ACOXL: variants seen among roughly 807,000 people sequenced by gnomAD.
The protein encoded by ACOXL is acyl-coenzyme A oxidase-like protein.
ACOXL carries 70 observed loss-of-function variants against 71.9 expected under a neutral mutation model. The observed-to-expected ratio is 0.97, with a 90% CI of 0.80 to 1.19. The LOEUF (loss-of-function observed/expected upper bound fraction) is 1.19, where lower values mean the gene tolerates loss of function less well. Ranked by LOEUF, ACOXL falls within the 50% of genes most tolerant of loss-of-function variation. The probability of loss-of-function intolerance (pLI) is 0.00; values close to 1 mark genes in which losing one functional copy is unlikely to be tolerated. For missense variants in ACOXL, 703 were observed against 736.3 expected (o/e 0.95, Z 0.52); for synonymous variants, 253 against 281.6 (o/e 0.90, Z 1.02).
intron 10 of ACOXL, among the ~76,000 whole-genome samples, chr2:110,878,948 C>T (rs1445824568): frequency 6.6e-6 from 1 of 151,352 alleles, no homozygotes; most frequent in Non-Finnish European, 1.5e-5. Flanking sequence ...ATTCCAGCTA[C>T]TCGGGAGGCT....
rs770864286 is a variant in ACOXL at position 110,933,655 on chromosome 2, G to A, written c.1059+13G>A. 7 of 1,604,312 alleles carry A rather than the reference G, an allele frequency of 4.4e-6. No homozygotes were observed. The highest frequency in any genetic ancestry group is 2.2e-5 in the East Asian group (1 of 44,646). On this transcript the variant is annotated intron_variant, in intron 12 of 17. Coordinates refer to ENST00000439055, the MANE Select transcript of ACOXL (RefSeq NM_001142807.4). ...CACTGGAGGCATGGTGAGCCCCAAG[G>A]CCTGCAGCCCCCGTGGGTCCCCACG...
intron 1 of ACOXL, among the ~76,000 whole-genome samples, chr2:110,749,714 G>C (rs1409678909): frequency 1.3e-5 from 2 of 152,142 alleles, no homozygotes; most frequent in Non-Finnish European, 2.9e-5. Context: ...GGTGACAGAG[G>C]GAGACTGCAT....
chr2:110,892,302 GA>G (rs961571463), intron 10 of ACOXL, among the ~76,000 whole-genome samples: 1 of 152,148 alleles, frequency 6.6e-6, no homozygotes, highest in Admixed American at 6.5e-5. Context: ...AGAACGCCCT[GA>G]AATGAAGTCC....
chr2:111,069,671 T>C (rs1249903135), intron 16 of ACOXL, among the ~76,000 whole-genome samples: 2 of 152,028 alleles, frequency 1.3e-5, no homozygotes, highest in Non-Finnish European at 2.9e-5. Flanking sequence ...AGATGGGGAA[T>C]TGGGGGTGAC....
chr2:111,029,858 G>GT lies in ACOXL; in HGVS notation c.1282-1761dup, dbSNP rs552036775. On this transcript the variant is annotated intron_variant, in intron 14 of 17. Coordinates refer to ENST00000439055, the MANE Select transcript of ACOXL (RefSeq NM_001142807.4). Reference sequence around the variant, plus strand: ...TTCCTCTTCACTTGAACTTGTTGTGGTTTTTTTTCCTTTTTCCTCATACTC... The same window carrying GT: ...TTCCTCTTCACTTGAACTTGTTGTGGTTTTTTTTTCCTTTTTCCTCATACTC... Among the ~76,000 whole-genome samples, 1,445 of 152,018 alleles carry GT rather than the reference G, an allele frequency of 9.5e-3. 14 individuals carry two copies. The highest frequency in any genetic ancestry group is 0.015 in the Non-Finnish European group (990 of 67,964).
At chr2:110,951,886 T>C (rs1392738541) in intron 12 of ACOXL, among the ~76,000 whole-genome samples, 1 of 152,224 alleles carries the variant, frequency 6.6e-6, no homozygotes, top group South Asian at 2.1e-4. Context: ...CATTTGGTAA[T>C]ATTTGTTTAG....
intron 16 of ACOXL, among the ~76,000 whole-genome samples, chr2:111,061,317 A>G (rs1194019966): frequency 6.6e-6 from 1 of 152,188 alleles, no homozygotes; most frequent in African/African-American, 2.4e-5. Context: ...AAATGACAGC[A>G]TATTTCTCAT....
chr2:110,885,684 C>A (rs1362592845), intron 10 of ACOXL, among the ~76,000 whole-genome samples: 1 of 152,082 alleles, frequency 6.6e-6, no homozygotes. Flanking sequence ...GTTCAAACTT[C>A]CTTAGTAAGT....
intron 6 of ACOXL, 60 bp from the exon 7 acceptor site, chr2:110,798,954 C>T: frequency 1.3e-6 from 2 of 1,530,130 alleles, no homozygotes; most frequent in South Asian, 2.2e-5. Context: ...TATACTATTC[C>T]AGGACATGAG....
rs1008189909 is a variant in ACOXL at position 111,117,790 on chromosome 2, C to T, written c.1717C>T (p.Arg573Trp). The T allele has an allele frequency of 3.9e-6, 6 of 1,550,342 alleles. No individual in the cohort carries two copies. Among genetic ancestry groups the T allele is most frequent in the African/African-American group, 2.7e-5 (2 of 73,168 alleles). The change falls in exon 18 of 18, where the codon CGG (arginine) becomes TGG (tryptophan). Residue 573 changes from arginine (R) to tryptophan (W), a missense_variant. By Grantham distance (101) the Arg-to-Trp change is moderately radical. Coordinates refer to ENST00000439055, the MANE Select transcript of ACOXL (RefSeq NM_001142807.4). ...PRPREEARSRRPKLGAKL is the reference protein window; with the variant it reads ...PRPREEARSRWPKLGAKL Reference sequence around the variant, plus strand: ...GCCACGGGAAGAGGCGCGCTCCCGGCGGCCCAAGCTGGGAGCCAAGCTCTA... The same window carrying T: ...GCCACGGGAAGAGGCGCGCTCCCGGTGGCCCAAGCTGGGAGCCAAGCTCTA...
At chr2:110,993,083 T>C (rs2063245018) in intron 13 of ACOXL, among the ~76,000 whole-genome samples, 1 of 152,224 alleles carries the variant, frequency 6.6e-6, no homozygotes, top group Admixed American at 6.5e-5. Flanking sequence ...ACTGTAGACA[T>C]CAGCACATTT....
At chr2:110,923,543 A>G (rs778299207) in intron 11 of ACOXL, among the ~76,000 whole-genome samples, 2 of 152,166 alleles carry the variant, frequency 1.3e-5, no homozygotes, top group Non-Finnish European at 1.5e-5. Flanking sequence ...GGAAATGGAC[A>G]GTTTCCAGAC....
intron 11 of ACOXL, among the ~76,000 whole-genome samples, chr2:110,919,992 C>T (rs1378116836): frequency 6.6e-6 from 1 of 152,226 alleles, no homozygotes; most frequent in East Asian, 1.9e-4. Context: ...TAGGTTGTTT[C>T]TAGTTTTTAC....
At chr2:110,874,776 T>C (rs1695699306) in intron 10 of ACOXL, among the ~76,000 whole-genome samples, 1 of 152,156 alleles carries the variant, frequency 6.6e-6, no homozygotes, top group South Asian at 2.1e-4. Flanking sequence ...ATTGGGTTTA[T>C]TATTCGCATC....
chr2:110,815,190 C>T (rs761058444), intron 9 of ACOXL, among the ~76,000 whole-genome samples: 4 of 152,162 alleles, frequency 2.6e-5, no homozygotes, highest in Non-Finnish European at 5.9e-5. Flanking sequence ...CTTGTGAGAA[C>T]TCACTCACTA....
At chr2:110,937,961 C>G (rs868849310) in intron 12 of ACOXL, among the ~76,000 whole-genome samples, 16 of 152,280 alleles carry the variant, frequency 1.1e-4, no homozygotes, top group South Asian at 8.3e-4. Flanking sequence ...GATGTTTCCT[C>G]GATGTGCCCA....
At chr2:111,078,114 G>T (rs951300419) in intron 16 of ACOXL, among the ~76,000 whole-genome samples, 2 of 151,886 alleles carry the variant, frequency 1.3e-5, no homozygotes, top group African/African-American at 4.8e-5. Context: ...TCTCTCTGTT[G>T]TTCAGATAGG....
intron 4 of ACOXL, 126 bp downstream of exon 4, chr2:110,793,862 T>G: frequency 1.0e-6 from 1 of 955,122 alleles, no homozygotes; most frequent in Non-Finnish European, 1.6e-6. Flanking sequence ...AGCAAAAATC[T>G]TGTTGAAAAT....
intron 12 of ACOXL, among the ~76,000 whole-genome samples, chr2:110,980,392 G>A (rs1226583964): frequency 2.6e-5 from 4 of 152,182 alleles, no homozygotes; most frequent in Non-Finnish European, 5.9e-5. Flanking sequence ...TGTGTGCAGG[G>A]GACTGATGTC....
Sources: gnomAD v4.1 joint callset for allele counts (sites outside exome capture counted in the v4.1 genomes callset) on GRCh38, gnomAD v4.1.1 for gene constraint, MANE v1.5 for transcripts, NCBI Gene and HGNC (gene_info 2026-07-23, HGNC 2026-07-21) for gene names.